Variants in DLGAP2 observed in about 807,000 individuals in gnomAD.
DLGAP2 encodes the protein disks large-associated protein 2.
Under a neutral mutation model 100.3 loss-of-function variants are expected in DLGAP2, and 26 were observed. The ratio of observed to expected loss-of-function variants is 0.26; its 90% CI spans 0.19 to 0.36. The LOEUF (loss-of-function observed/expected upper bound fraction) is 0.36, where lower values mean the gene tolerates loss of function less well. DLGAP2 is among the 10% of genes least tolerant of loss of function. The probability of loss-of-function intolerance (pLI) is 1.00; values close to 1 mark genes in which losing one functional copy is unlikely to be tolerated. For missense variants in DLGAP2, 1,858 were observed against 1,453.2 expected, an observed-to-expected ratio of 1.28 and a Z score of -4.53; for synonymous variants, 886 against 630.1, an observed-to-expected ratio of 1.41 and a Z score of -6.08.
intron 2 of DLGAP2, among the ~76,000 whole-genome samples, chr8:1,082,246 T>C (rs1384285595): frequency 6.6e-6 from 1 of 152,242 alleles, no homozygotes; most frequent in African/African-American, 2.4e-5. Context: ...GTTGTGTTTG[T>C]AATTTGAAAA....
chr8:1,574,484 GC>G (rs1289838337), intron 6 of DLGAP2, among the ~76,000 whole-genome samples: 3 of 152,118 alleles, frequency 2.0e-5, no homozygotes, highest in East Asian at 3.9e-4. Context: ...AAACCATGCT[GC>G]CCCCTGCCCC....
intron 3 of DLGAP2, among the ~76,000 whole-genome samples, chr8:1,270,259 G>C (rs1799553691): frequency 6.6e-6 from 1 of 152,166 alleles, no homozygotes; most frequent in Non-Finnish European, 1.5e-5. Context: ...AAGGGACTTG[G>C]ATCAACAGAG....
chr8:1,645,845 A>G (rs1798027869), intron 8 of DLGAP2, among the ~76,000 whole-genome samples: 3 of 152,342 alleles, frequency 2.0e-5, no homozygotes, highest in South Asian at 4.1e-4. Flanking sequence ...TAACCTTAAA[A>G]AGATCTTTTT....
At chr8:1,204,023 C>T (rs1277403587) in intron 2 of DLGAP2, among the ~76,000 whole-genome samples, 2 of 152,244 alleles carry the variant, frequency 1.3e-5, no homozygotes, top group Admixed American at 6.5e-5. Context: ...GCTCTTGAAA[C>T]TTCAATGTGC....
At chr8:852,081 G>C (rs1017917968) in intron 1 of DLGAP2, among the ~76,000 whole-genome samples, 1 of 152,148 alleles carries the variant, frequency 6.6e-6, no homozygotes, top group African/African-American at 2.4e-5. Flanking sequence ...TGTGAGAATT[G>C]GCTTTGGTGT....
intron 3 of DLGAP2, among the ~76,000 whole-genome samples, chr8:1,343,915 G>A (rs973697006): frequency 6.6e-6 from 1 of 152,194 alleles, no homozygotes; most frequent in Non-Finnish European, 1.5e-5. Flanking sequence ...CTCCCTGCCA[G>A]GTGAGGTATA....
At chr8:1,047,353 G>A (rs1040932275) in intron 2 of DLGAP2, among the ~76,000 whole-genome samples, 10 of 152,080 alleles carry the variant, frequency 6.6e-5, no homozygotes, top group Non-Finnish European at 8.8e-5. Context: ...GAAGTCTTTC[G>A]GATTTTGGAA....
At chr8:1,508,113 T>G (rs1193508052) in intron 4 of DLGAP2, among the ~76,000 whole-genome samples, 1 of 151,882 alleles carries the variant, frequency 6.6e-6, no homozygotes, top group Non-Finnish European at 1.5e-5. Context: ...CACAAACACA[T>G]CAGATACCTT....
intron 3 of DLGAP2, among the ~76,000 whole-genome samples, chr8:1,349,471 T>C (rs1801652495): frequency 6.8e-6 from 1 of 147,658 alleles, no homozygotes; most frequent in African/African-American, 2.6e-5. Context: ...CATCCACTCA[T>C]GTCATGAGCC....
At chr8:1,200,926 G>C (rs34463900) in intron 2 of DLGAP2, among the ~76,000 whole-genome samples, 5,701 of 152,312 alleles carry the variant, frequency 0.037, 178 homozygotes, top group South Asian at 0.085. Context: ...GGCGGTGCGC[G>C]ATTCAGCTCC....
chr8:945,308 C>G (rs758530155), intron 2 of DLGAP2, among the ~76,000 whole-genome samples: 2 of 152,198 alleles, frequency 1.3e-5, no homozygotes. Context: ...TGCATCTCTC[C>G]TTGGCCTGTC....
intron 1 of DLGAP2, among the ~76,000 whole-genome samples, chr8:797,515 C>T (rs1466793451): frequency 6.6e-6 from 1 of 152,096 alleles, no homozygotes; most frequent in Non-Finnish European, 1.5e-5. Context: ...ATGACTATTT[C>T]TGTTGAAGTC....
At chr8:1,251,793 A>AGTCAC (rs1164341679) in intron 2 of DLGAP2, among the ~76,000 whole-genome samples, 7 of 152,260 alleles carry the variant, frequency 4.6e-5, no homozygotes, top group Non-Finnish European at 8.8e-5. Flanking sequence ...GGTGTCCCAC[A>AGTCAC]GTCACGTCAC....
intron 2 of DLGAP2, among the ~76,000 whole-genome samples, chr8:1,018,332 C>G (rs1323699062): frequency 1.3e-5 from 2 of 152,206 alleles, no homozygotes; most frequent in African/African-American, 4.8e-5. Flanking sequence ...TGAAGAAACT[C>G]AATTGATTTG....
chr8:1,228,162 G>A (rs4598278), intron 2 of DLGAP2, among the ~76,000 whole-genome samples: 32,725 of 151,738 alleles, frequency 0.22, 4,159 homozygotes, highest in East Asian at 0.55. Context: ...CACCAACATG[G>A]CACATGTATA....
chr8:1,285,847 C>T lies in DLGAP2; in HGVS notation c.106+26964C>T, dbSNP rs1033494520. Among the ~76,000 whole-genome samples the T allele has an allele frequency of 2.6e-5, 4 of 152,106 alleles. No homozygotes were observed. The South Asian group carries it at 6.2e-4, about 24-fold the overall frequency. ...AGCTGGGCGTAGTGGCACACACCTG[C>T]AACCCCACCAATCCTTGCAAGGATT... On this transcript the variant is annotated intron_variant, in intron 3 of 14. Coordinates refer to ENST00000637795, the MANE Select transcript of DLGAP2 (RefSeq NM_001346810.2).
At chr8:1,182,872 G>T (rs779268420) in intron 2 of DLGAP2, among the ~76,000 whole-genome samples, 9 of 152,358 alleles carry the variant, frequency 5.9e-5, no homozygotes, top group Non-Finnish European at 8.8e-5. Context: ...GCAGCATCCA[G>T]TGAGGTGGAG....
At position 1,287,956 on chromosome 8, in the gene DLGAP2, GTGGTT is replaced by G. The variant is rs1381888102; in HGVS notation, c.106+29074_106+29078del. Among the ~76,000 whole-genome samples the G allele has an allele frequency of 4.3e-4, 52 of 121,216 alleles. 1 individual carries two copies. Among genetic ancestry groups the G allele is most frequent in the Middle Eastern group, 4.8e-3 (1 of 208 alleles). 79.5% of individuals were successfully genotyped at this position (121,216 alleles called of 152,430 possible). On this transcript the variant is annotated intron_variant, in intron 3 of 14. Transcript: ENST00000637795. ...TGGTTCAGCGTGTGTGTGTGTGTGTGTGGTTGTTAGGGGAACTAGTTTCGGTTGAG... is the reference window on the plus strand; with the variant it reads ...TGGTTCAGCGTGTGTGTGTGTGTGTGGTTAGGGGAACTAGTTTCGGTTGAG...
At chr8:958,146 T>A (rs1046692000) in intron 2 of DLGAP2, among the ~76,000 whole-genome samples, 1 of 152,224 alleles carries the variant, frequency 6.6e-6, no homozygotes, top group Non-Finnish European at 1.5e-5. Context: ...ATTTATAATG[T>A]TGATCTGGCT....
Sources: allele counts gnomAD v4.1 joint callset (sites outside exome capture counted in the v4.1 genomes callset), GRCh38; gene constraint gnomAD v4.1.1; transcripts MANE v1.5; gene names NCBI Gene and HGNC (gene_info 2026-07-23, HGNC 2026-07-21).